DNAH11: variants seen among roughly 807,000 people sequenced by gnomAD.
DNAH11 encodes the protein axonemal beta dynein heavy chain 11.
DNAH11 carries 442 observed loss-of-function variants against 526.0 expected under a neutral mutation model. The ratio of observed to expected loss-of-function variants is 0.84; its 90% CI spans 0.78 to 0.91. DNAH11 has a LOEUF of 0.91. DNAH11 is among the 40% of genes least tolerant of loss of function. The pLI, the probability that DNAH11 is intolerant of heterozygous loss-of-function variation, is 0.00. For missense variants in DNAH11, 6,989 were observed against 5,448.7 expected (o/e 1.28, Z -8.90); for synonymous variants, 2,461 against 1,935.9 (o/e 1.27, Z -7.12).
chr7:21,744,401 C>G, intron 49 of DNAH11, 37 bp from the exon 50 acceptor site: 1 of 1,601,596 alleles, frequency 6.2e-7, no homozygotes, highest in Non-Finnish European at 8.5e-7. Flanking sequence ...TCATCAGCCT[C>G]TGAATTAAAG....
intron 54 of DNAH11, among the ~76,000 whole-genome samples, chr7:21,751,250 G>T (rs899210723): frequency 2.0e-5 from 3 of 152,160 alleles, no homozygotes; most frequent in Non-Finnish European, 2.9e-5. Flanking sequence ...CTTGAACCCA[G>T]GAGGCAGAGG....
intron 79 of DNAH11, among the ~76,000 whole-genome samples, chr7:21,896,705 C>T (rs182154259): frequency 6.6e-6 from 1 of 152,232 alleles, no homozygotes; most frequent in African/African-American, 2.4e-5. Context: ...TACTTGTAGA[C>T]TTCATCAGTT....
intron 60 of DNAH11, among the ~76,000 whole-genome samples, chr7:21,788,080 G>C (rs1368352693): frequency 6.6e-6 from 1 of 152,148 alleles, no homozygotes; most frequent in African/African-American, 2.4e-5. Flanking sequence ...CTTTTCGGCA[G>C]TGTAGAGATA....
intron 24 of DNAH11, 30 bp from the exon 25 acceptor site, chr7:21,619,926 G>T: frequency 1.4e-6 from 2 of 1,431,752 alleles, no homozygotes; most frequent in Non-Finnish European, 1.9e-6. Context: ...ATTAAATTTT[G>T]TGCACATTAA....
chr7:21,900,568 T>TTATC (rs879650011), intron 81 of DNAH11, among the ~76,000 whole-genome samples: 2 of 152,212 alleles, frequency 1.3e-5, no homozygotes, highest in African/African-American at 4.8e-5. Context: ...TTTTCCAAAT[T>TTATC]TATCTGGCCA....
chr7:21,617,799 A>C, intron 23 of DNAH11, 22 bp downstream of exon 23: 2 of 1,553,836 alleles, frequency 1.3e-6, no homozygotes, highest in East Asian at 4.5e-5. Context: ...TGGTCTCACT[A>C]ATGAACCTTT....
chr7:21,795,140 T>C (rs1435200179), intron 61 of DNAH11, among the ~76,000 whole-genome samples: 1 of 152,196 alleles, frequency 6.6e-6, no homozygotes, highest in Non-Finnish European at 1.5e-5. Context: ...TTCTCAAACT[T>C]TTGCACAACG....
At chr7:21,708,652 C>G (rs1258551758) in intron 40 of DNAH11, among the ~76,000 whole-genome samples, 1 of 152,190 alleles carries the variant, frequency 6.6e-6, no homozygotes, top group Non-Finnish European at 1.5e-5. Context: ...CCCACCATCC[C>G]TGACTTCATT....
intron 56 of DNAH11, 130 bp downstream of exon 56, chr7:21,774,129 C>A: frequency 2.5e-6 from 2 of 812,984 alleles, no homozygotes; most frequent in Non-Finnish European, 3.8e-6. Context: ...TTCATGACAC[C>A]AAGAATACAC....
chr7:21,839,535 A>ACT (rs1782124413), intron 65 of DNAH11, among the ~76,000 whole-genome samples: 1 of 151,482 alleles, frequency 6.6e-6, no homozygotes, highest in African/African-American at 2.4e-5. Context: ...AGATCACACC[A>ACT]CTGCACTCCA....
chr7:21,740,742 C>A (rs1303478463), intron 48 of DNAH11, among the ~76,000 whole-genome samples: 1 of 152,182 alleles, frequency 6.6e-6, no homozygotes, highest in African/African-American at 2.4e-5. Context: ...GTACACCCAG[C>A]AATACAATTG....
In DNAH11 at chr7:21,707,745, C is replaced by A; in HGVS notation, c.6593C>A (p.Pro2198Gln). 6.2e-7 allele frequency: 1 copy of A among 1,613,172 alleles called. No homozygotes were observed. ...ACATATGTTAACATGAAACAGAAGC[C>A]GGTTTGGAATGACTTAAACCCTAAA... ...NRTYVNMKQK[P>Q]VWNDLNPKAV... Residue 2198 changes from proline to glutamine, a missense_variant, in exon 40 of 82, where the codon CCG becomes CAG. By Grantham distance (76) the Pro-to-Gln change is moderately conservative. Coordinates refer to ENST00000409508, the MANE Select transcript of DNAH11 (RefSeq NM_001277115.2).
chr7:21,687,599 C>A, intron 34 of DNAH11, 72 bp downstream of exon 34: 1 of 1,502,802 alleles, frequency 6.7e-7, no homozygotes, highest in Non-Finnish European at 9.0e-7. Context: ...CTCCCCTTCA[C>A]TGTCTATTGC....
At chr7:21,569,583 G>A (rs1266725156) in intron 6 of DNAH11, among the ~76,000 whole-genome samples, 1 of 152,146 alleles carries the variant, frequency 6.6e-6, no homozygotes, top group African/African-American at 2.4e-5. Flanking sequence ...CCCCAGAAGA[G>A]AAGTTTGCTA....
chr7:21,771,732 A>T (rs1204706901), intron 55 of DNAH11, among the ~76,000 whole-genome samples: 3 of 152,134 alleles, frequency 2.0e-5, no homozygotes, highest in Non-Finnish European at 2.9e-5. Context: ...AAGAGGCCAA[A>T]TCTAGCAGGA....
intron 28 of DNAH11, among the ~76,000 whole-genome samples, chr7:21,641,761 A>G (rs1568777): frequency 0.08 from 12,225 of 152,216 alleles, 1,340 homozygotes; most frequent in African/African-American, 0.24. Flanking sequence ...CTTCTCCATT[A>G]TCAGTGTGAC....
At chr7:21,818,674 C>G (rs1379952042) in intron 65 of DNAH11, among the ~76,000 whole-genome samples, 3 of 152,196 alleles carry the variant, frequency 2.0e-5, no homozygotes, top group African/African-American at 7.2e-5. Context: ...GGCTGCCTAT[C>G]TACATATCAC....
intron 2 of DNAH11, 150 bp from the exon 3 acceptor site, chr7:21,558,652 G>A: frequency 1.6e-6 from 1 of 611,190 alleles, no homozygotes; most frequent in East Asian, 2.9e-5. Flanking sequence ...AAATCTAAAT[G>A]GGTCACTGAC....
At chr7:21,850,538 TCCC>T (rs151235923) in intron 66 of DNAH11, among the ~76,000 whole-genome samples, 14,698 of 150,410 alleles carry the variant, frequency 0.098, 2,096 homozygotes, top group African/African-American at 0.3. Flanking sequence ...TATTTTTAAC[TCCC>T]AGTTTGATAA....
Sources: allele counts gnomAD v4.1 joint callset (sites outside exome capture counted in the v4.1 genomes callset), GRCh38; gene constraint gnomAD v4.1.1; transcripts MANE v1.5; gene names NCBI Gene and HGNC (gene_info 2026-07-23, HGNC 2026-07-21).